The following TTC34 variants were observed in gnomAD, a reference collection of about 807,000 sequenced individuals.
TTC34 encodes the protein tetratricopeptide repeat protein 34.
Under a neutral mutation model 40.7 loss-of-function variants are expected in TTC34, and 44 were observed. That is an observed-to-expected ratio of 1.08 (90% CI 0.85 to 1.39). TTC34 has a LOEUF of 1.39. Ranked by LOEUF, TTC34 falls within the 40% of genes most tolerant of loss-of-function variation. The pLI, the probability that TTC34 is intolerant of heterozygous loss-of-function variation, is 0.00. For missense variants in TTC34, 884 were observed against 838.0 expected (o/e 1.05, Z -0.68); for synonymous variants, 422 against 398.6 (o/e 1.06, Z -0.70).
intron 6 of TTC34, among the ~76,000 whole-genome samples, chr1:2,750,364 C>T (rs1462093157): frequency 9.3e-6 from 1 of 107,436 alleles, no homozygotes; most frequent in Non-Finnish European, 1.8e-5. Flanking sequence ...GCACCCTGCA[C>T]CCCGAGGTGA....
At chr1:2,694,772 G>T (rs1488345951) in intron 6 of TTC34, among the ~76,000 whole-genome samples, 1 of 82,284 alleles carries the variant, frequency 1.2e-5, no homozygotes, top group Non-Finnish European at 2.9e-5. Flanking sequence ...GCATCCGACA[G>T]CCTGGAGCAG....
At chr1:2,775,856 G>T (rs1475846289) in intron 6 of TTC34, among the ~76,000 whole-genome samples, 1 of 143,782 alleles carries the variant, frequency 7.0e-6, no homozygotes, top group Non-Finnish European at 1.5e-5. Flanking sequence ...GCTCACCTGA[G>T]GTTGGGAGTG....
intron 6 of TTC34, among the ~76,000 whole-genome samples, chr1:2,685,124 G>A (rs1373410143): frequency 6.9e-6 from 1 of 145,726 alleles, no homozygotes; most frequent in African/African-American, 2.7e-5. Context: ...CACACCCCCA[G>A]GCGAGCATCG....
chr1:2,695,096 C>A (rs1000206727), intron 6 of TTC34, among the ~76,000 whole-genome samples: 394 of 14,000 alleles, frequency 0.028, 2 homozygotes, highest in African/African-American at 0.042. Flanking sequence ...ATCTGACAAC[C>A]TGGAACAGCA....
intron 6 of TTC34, among the ~76,000 whole-genome samples, chr1:2,750,123 C>A (rs1472764650): frequency 1.8e-4 from 8 of 44,096 alleles, no homozygotes; most frequent in Admixed American, 7.1e-4. Flanking sequence ...AGCACCCACA[C>A]ACCCAGGTGA....
intron 2 of TTC34, among the ~76,000 whole-genome samples, chr1:2,791,474 T>C (rs1643662889): frequency 6.6e-6 from 1 of 152,146 alleles, no homozygotes. Context: ...TCAAACAGGA[T>C]TCTGGAGAGG....
At chr1:2,755,730 AGC>A (rs1641481873) in intron 6 of TTC34, among the ~76,000 whole-genome samples, 1 of 138,722 alleles carries the variant, frequency 7.2e-6, no homozygotes, top group Non-Finnish European at 1.5e-5. Context: ...GACAGCCTGG[AGC>A]AGCACCCACA....
chr1:2,772,839 TG>T (rs1241421798), intron 6 of TTC34, among the ~76,000 whole-genome samples: 1 of 86,820 alleles, frequency 1.2e-5, no homozygotes, highest in Non-Finnish European at 2.4e-5. Context: ...TCTGACAGCC[TG>T]GAACAGCACC....
intron 6 of TTC34, among the ~76,000 whole-genome samples, chr1:2,767,766 C>G (rs567142581): frequency 1.3e-4 from 20 of 148,466 alleles, no homozygotes; most frequent in African/African-American, 4.4e-4. Context: ...GCACCCTGCA[C>G]CCCCAGTTGA....
intron 6 of TTC34, among the ~76,000 whole-genome samples, chr1:2,683,953 C>G (rs376002609): frequency 6.9e-5 from 2 of 28,810 alleles, no homozygotes; most frequent in African/African-American, 2.4e-4. Flanking sequence ...AGTACCCACA[C>G]CCACAGTTGA....
chr1:2,685,190 C>A (rs111243453), intron 6 of TTC34, among the ~76,000 whole-genome samples: 4 of 135,548 alleles, frequency 3.0e-5, no homozygotes, highest in Admixed American at 7.6e-5. Flanking sequence ...CCTGGAACAG[C>A]ACCCACACCC....
intron 6 of TTC34, among the ~76,000 whole-genome samples, chr1:2,674,846 G>T: frequency 9.7e-6 from 1 of 102,924 alleles, no homozygotes. Context: ...CACAACCACA[G>T]GTGAGCATCG....
chr1:2,693,725 A>C (rs1229855123), intron 6 of TTC34, among the ~76,000 whole-genome samples: 3 of 54,048 alleles, frequency 5.6e-5, no homozygotes, highest in East Asian at 4.6e-4. Flanking sequence ...AAGCATCTGA[A>C]CGCAAGGAGC....
At chr1:2,649,779 G>T (rs751288950) in intron 6 of TTC34, among the ~76,000 whole-genome samples, 1 of 152,112 alleles carries the variant, frequency 6.6e-6, no homozygotes, top group Non-Finnish European at 1.5e-5. Flanking sequence ...CTCCCAAAGT[G>T]CTGGGATTAC....
chr1:2,758,226 C>G (rs1233193288), intron 6 of TTC34, among the ~76,000 whole-genome samples: 468 of 105,576 alleles, frequency 4.4e-3, no homozygotes, highest in African/African-American at 9.8e-3. Context: ...CCTGGAACAG[C>G]ACACACACCC....
At chr1:2,800,688 C>T (rs796926034) in exon 2 of TTC34, 12 of 398,528 alleles carry the variant, frequency 3.0e-5, no homozygotes, top group African/African-American at 2.1e-4. Flanking sequence ...CAGGGCAGTG[C>T]GCACACTCTG....
At chr1:2,647,835 C>T (rs964563362) in intron 6 of TTC34, among the ~76,000 whole-genome samples, 3 of 152,096 alleles carry the variant, frequency 2.0e-5, no homozygotes, top group African/African-American at 7.2e-5. Flanking sequence ...GTTTTCCCTG[C>T]TTTTCCTTAG....
At position 2,699,529 on chromosome 1, in the gene TTC34, C is replaced by G. The variant is rs1374364239; in HGVS notation, c.2227-53966G>C. On this transcript the variant is annotated intron_variant, in intron 6 of 8. Transcript: ENST00000401095. The stretch of plus-strand genomic sequence containing the variant: ...GAATCTGACAGCCTGGAACACCACC[C>G]ACATCCCCAGGTGAGCATCTGACAG... Among the ~76,000 whole-genome samples, 3 of 131,276 alleles carry G rather than the reference C, an allele frequency of 2.3e-5. 1 individual carries two copies. The highest frequency in any genetic ancestry group is 5.2e-5 in the Non-Finnish European group (3 of 57,332). The allele number at this position is 131,276 out of a possible 152,430, so 86.1% of individuals were successfully genotyped here. A position where few individuals can be genotyped will look rare whatever the true frequency, so the allele number is the denominator to read the frequency against.
intron 6 of TTC34, among the ~76,000 whole-genome samples, chr1:2,657,413 A>T (rs1292506215): frequency 1.1e-5 from 1 of 89,920 alleles, no homozygotes; most frequent in Non-Finnish European, 2.8e-5. Flanking sequence ...CCGGAGCAGT[A>T]CCAGTACCCC....
Sources: allele counts gnomAD v4.1 joint callset (sites outside exome capture counted in the v4.1 genomes callset), GRCh38; gene constraint gnomAD v4.1.1; transcripts MANE v1.5; gene names NCBI Gene and HGNC (gene_info 2026-07-23, HGNC 2026-07-21).